Variants in LRRC8D observed in about 807,000 individuals in gnomAD.
LRRC8D encodes leucine rich repeat containing 8 VRAC subunit D, also known as volume-regulated anion channel subunit LRRC8D.
LRRC8D carries 20 observed loss-of-function variants against 55.8 expected under a neutral mutation model. That is an observed-to-expected ratio of 0.36 (90% confidence interval 0.25 to 0.52). The LOEUF is 0.52. LRRC8D is among the 20% of genes least tolerant of loss of function. The probability of loss-of-function intolerance (pLI) is 0.93; values close to 1 mark genes in which losing one functional copy is unlikely to be tolerated. For missense variants in LRRC8D, 651 were observed against 1,030.8 expected (o/e 0.63, Z 5.05); for synonymous variants, 352 against 377.0 (o/e 0.93, Z 0.77).
intron 1 of LRRC8D, among the ~76,000 whole-genome samples, chr1:89,830,310 A>G (rs1660857200): frequency 6.6e-6 from 1 of 152,216 alleles, no homozygotes; most frequent in Admixed American, 6.5e-5. Context: ...AGTTTTATAC[A>G]TCTTGCACAA....
intron 2 of LRRC8D, among the ~76,000 whole-genome samples, chr1:89,921,320 T>G (rs983706121): frequency 2.6e-5 from 4 of 152,116 alleles, no homozygotes; most frequent in African/African-American, 9.7e-5. Context: ...CCTGGACAAC[T>G]GGAGTGAGAC....
chr1:89,886,927 A>T (rs1441935331), intron 2 of LRRC8D, among the ~76,000 whole-genome samples: 2 of 152,226 alleles, frequency 1.3e-5, no homozygotes, highest in Non-Finnish European at 1.5e-5. Context: ...AGACATTTTT[A>T]AAATGGGGCA....
At position 89,830,740 on chromosome 1, in the gene LRRC8D, TA is replaced by T. The variant is rs1324196397; in HGVS notation, c.-148+9453del. Reference sequence around the variant, plus strand: ...TAAGCCAGAAATCTGGATTATTGTGTAAAATCTGATTTTAAAGGTTGGCTAA... The same window carrying T: ...TAAGCCAGAAATCTGGATTATTGTGTAAATCTGATTTTAAAGGTTGGCTAA... On this transcript the variant is annotated intron_variant, in intron 1 of 2. Coordinates refer to ENST00000337338, the MANE Select transcript of LRRC8D (RefSeq NM_001134479.2). Among the ~76,000 whole-genome samples the T allele has an allele frequency of 2.6e-5, 4 of 152,192 alleles. No homozygotes were observed. The East Asian group carries it at 7.7e-4, about 29-fold the overall frequency.
chr1:89,887,255 A>G (rs1483404588), intron 2 of LRRC8D, among the ~76,000 whole-genome samples: 1 of 152,008 alleles, frequency 6.6e-6, no homozygotes, highest in Non-Finnish European at 1.5e-5. Flanking sequence ...TATTGTTTTT[A>G]TTTTCGTCAT....
intron 2 of LRRC8D, among the ~76,000 whole-genome samples, chr1:89,844,493 T>A (rs1661223641): frequency 6.6e-6 from 1 of 152,216 alleles, no homozygotes. Context: ...CTGTGGTTTC[T>A]GAGCCAGGCC....
intron 2 of LRRC8D, among the ~76,000 whole-genome samples, chr1:89,863,028 TAAG>T (rs1661760799): frequency 6.6e-6 from 1 of 152,200 alleles, no homozygotes; most frequent in Non-Finnish European, 1.5e-5. Context: ...ATATAGGAAA[TAAG>T]GAGAATTAAA....
intron 1 of LRRC8D, among the ~76,000 whole-genome samples, chr1:89,841,396 A>C (rs866991412): frequency 5.0e-3 from 727 of 144,322 alleles, no homozygotes; most frequent in Admixed American, 6.6e-3. Context: ...TGTCAAGACC[A>C]CCCCCCCCCT....
At chr1:89,893,979 C>T (rs1036156981) in intron 2 of LRRC8D, among the ~76,000 whole-genome samples, 1 of 152,182 alleles carries the variant, frequency 6.6e-6, no homozygotes, top group Non-Finnish European at 1.5e-5. Flanking sequence ...TTGTTATGGA[C>T]TAAGTGTTTA....
intron 2 of LRRC8D, among the ~76,000 whole-genome samples, chr1:89,847,251 A>G (rs1031902838): frequency 4.6e-5 from 7 of 152,186 alleles, no homozygotes; most frequent in African/African-American, 1.4e-4. Context: ...TACAATTTTC[A>G]TAAGTGTTGG....
chr1:89,846,193 T>A (rs1281962046), intron 2 of LRRC8D, among the ~76,000 whole-genome samples: 2 of 152,220 alleles, frequency 1.3e-5, no homozygotes, highest in African/African-American at 4.8e-5. Context: ...ACAGCTTTTG[T>A]GAGCCTCCAA....
intron 2 of LRRC8D, among the ~76,000 whole-genome samples, chr1:89,904,319 GCT>G (rs1662936967): frequency 6.6e-6 from 1 of 152,216 alleles, no homozygotes; most frequent in African/African-American, 2.4e-5. Flanking sequence ...GGACCTTCAG[GCT>G]CTTTTTGGAG....
chr1:89,904,873 A>AT (rs1662950706), intron 2 of LRRC8D, among the ~76,000 whole-genome samples: 1 of 152,220 alleles, frequency 6.6e-6, no homozygotes, highest in African/African-American at 2.4e-5. Context: ...GGTTGTGAGG[A>AT]TGAATTAAAA....
chr1:89,824,052 C>T (rs1306421678), intron 1 of LRRC8D, among the ~76,000 whole-genome samples: 2 of 152,096 alleles, frequency 1.3e-5, no homozygotes, highest in Non-Finnish European at 2.9e-5. Flanking sequence ...TGAGGAATGT[C>T]GGAGACATTT....
intron 1 of LRRC8D, among the ~76,000 whole-genome samples, chr1:89,836,509 A>G (rs1031157325): frequency 1.3e-5 from 2 of 152,162 alleles, no homozygotes; most frequent in African/African-American, 2.4e-5. Flanking sequence ...TCCTAAACTC[A>G]GCCTTTGAGC....
intron 2 of LRRC8D, among the ~76,000 whole-genome samples, chr1:89,881,220 C>T (rs1662274621): frequency 6.6e-6 from 1 of 152,090 alleles, no homozygotes; most frequent in South Asian, 2.1e-4. Flanking sequence ...ATCCAGTCAT[C>T]TATTCAGCCA....
At chr1:89,898,070 G>A (rs1006661167) in intron 2 of LRRC8D, among the ~76,000 whole-genome samples, 1 of 152,194 alleles carries the variant, frequency 6.6e-6, no homozygotes, top group Non-Finnish European at 1.5e-5. Context: ...CTGAACCTCT[G>A]TATGTGGTTT....
intron 2 of LRRC8D, among the ~76,000 whole-genome samples, chr1:89,854,037 G>A (rs1273602076): frequency 6.6e-6 from 1 of 152,130 alleles, no homozygotes; most frequent in Non-Finnish European, 1.5e-5. Context: ...AGATAGGGGG[G>A]CCAAGTTCTA....
At chr1:89,926,693 C>T (rs1663573153) in intron 2 of LRRC8D, among the ~76,000 whole-genome samples, 1 of 152,152 alleles carries the variant, frequency 6.6e-6, no homozygotes, top group African/African-American at 2.4e-5. Context: ...TTTCCTCATA[C>T]TGTTGGGCAG....
At chr1:89,894,031 G>A (rs1349030067) in intron 2 of LRRC8D, among the ~76,000 whole-genome samples, 1 of 152,172 alleles carries the variant, frequency 6.6e-6, no homozygotes, top group Admixed American at 6.5e-5. Context: ...CAGTGTAATG[G>A]TATTAGGAGG....
Sources: allele counts gnomAD v4.1 joint callset (sites outside exome capture counted in the v4.1 genomes callset), GRCh38; gene constraint gnomAD v4.1.1; transcripts MANE v1.5; gene names NCBI Gene and HGNC (gene_info 2026-07-23, HGNC 2026-07-21).